Variants in TNRC6A observed in about 807,000 individuals in gnomAD.
The protein encoded by TNRC6A is trinucleotide repeat containing adaptor 6A.
In TNRC6A, 44 loss-of-function variants were observed where a neutral mutation model predicts 221.2. That is an observed-to-expected ratio of 0.20 (90% CI 0.16 to 0.26). TNRC6A has a LOEUF of 0.26. Among genes scored for constraint, TNRC6A ranks in the 10% least tolerant of loss-of-function variants. The pLI, the probability that TNRC6A is intolerant of heterozygous loss-of-function variation, is 1.00. For missense variants in TNRC6A, 2,199 were observed against 2,404.4 expected (o/e 0.91, Z 1.79); for synonymous variants, 847 against 838.5 (o/e 1.01, Z -0.18).
chr16:24,668,122 G>A (rs956434324), intron 2 of TNRC6A, among the ~76,000 whole-genome samples: 2 of 152,116 alleles, frequency 1.3e-5, no homozygotes, highest in Admixed American at 6.6e-5. Flanking sequence ...GAGGTCGGGA[G>A]TTCAAGACCA....
chr16:24,722,533 C>T (rs998205606), intron 2 of TNRC6A, among the ~76,000 whole-genome samples: 1 of 151,946 alleles, frequency 6.6e-6, no homozygotes, highest in African/African-American at 2.4e-5. Context: ...CTCCCGGGTT[C>T]AAGTGATTCT....
At chr16:24,746,639 G>A (rs2057016679) in intron 2 of TNRC6A, among the ~76,000 whole-genome samples, 1 of 152,054 alleles carries the variant, frequency 6.6e-6, no homozygotes, top group African/African-American at 2.4e-5. Context: ...TTGAATTGAT[G>A]GATCATAAGA....
At chr16:24,782,512 A>G (rs1043185362) in intron 5 of TNRC6A, among the ~76,000 whole-genome samples, 4 of 152,214 alleles carry the variant, frequency 2.6e-5, no homozygotes, top group Non-Finnish European at 5.9e-5. Flanking sequence ...CTGGACCTGT[A>G]TAGAACAAGT....
intron 4 of TNRC6A, among the ~76,000 whole-genome samples, chr16:24,772,832 A>T (rs2057640597): frequency 1.3e-5 from 2 of 152,192 alleles, no homozygotes; most frequent in African/African-American, 4.8e-5. Context: ...CATCAGGGAA[A>T]TTATCTGATC....
In TNRC6A at chr16:24,730,263, G is replaced by A. The variant is rs2056598381; in HGVS notation, c.16G>A (p.Ala6Thr). The change falls in exon 2 of 25, where the codon GCT becomes ACT. Residue 6 changes from alanine to threonine, a missense_variant. This residue lies in a region of TNRC6A where 1,405 missense variants were observed against 1,400.2 expected (regional missense o/e 1.00). Transcript: ENST00000395799. Reference protein sequence around the residue: MRELEAKATKDVERNL... With the variant: MRELETKATKDVERNL... ...GTTTTTTTGTTTCAGAGAATTGGAA[G>A]CTAAAGCTACCAAAGACGTAGAAAG... The A allele has an allele frequency of 6.9e-6, 11 of 1,603,352 alleles. No homozygotes were observed. The highest frequency in any genetic ancestry group is 1.1e-5 in the South Asian group (1 of 89,978).
At chr16:24,677,921 GTGCCAGGGATTCT>G (rs1243362071) in intron 2 of TNRC6A, among the ~76,000 whole-genome samples, 2 of 152,106 alleles carry the variant, frequency 1.3e-5, no homozygotes, top group Admixed American at 6.6e-5. Flanking sequence ...CTGCAAGATG[GTGCCAGGGATTCT>G]TGCCTTTTGA....
intron 2 of TNRC6A, among the ~76,000 whole-genome samples, chr16:24,647,106 A>G (rs1902334147): frequency 6.6e-6 from 1 of 151,116 alleles, no homozygotes; most frequent in South Asian, 2.1e-4. Context: ...ATTTTTTTCT[A>G]TTTTTCGTAG....
At position 24,823,073 on chromosome 16, in the gene TNRC6A, G is replaced by C; in HGVS notation, c.5513+60G>C. The C allele has an allele frequency of 9.3e-6, 15 of 1,609,250 alleles. No individual in the cohort carries two copies. The South Asian group carries it at 1.7e-4, about 18-fold the overall frequency. On this transcript the variant is annotated intron_variant, in intron 24 of 24. Transcript: ENST00000395799. This position sits in a 1 kb window ranked among gnomAD's most constrained non-coding sequence, Gnocchi z 4.3. Reference sequence around the variant, plus strand: ...CTAGGGGAAGGAGTGTGAGAGCACAGCCTGACCCGGGGCAGTGCACAGGGT... The same window carrying C: ...CTAGGGGAAGGAGTGTGAGAGCACACCCTGACCCGGGGCAGTGCACAGGGT...
At chr16:24,724,270 A>G (rs943343371) in intron 2 of TNRC6A, among the ~76,000 whole-genome samples, 3 of 152,284 alleles carry the variant, frequency 2.0e-5, no homozygotes, top group Admixed American at 6.5e-5. Context: ...CTGTTTTATC[A>G]TTTACTATTT....
intron 2 of TNRC6A, among the ~76,000 whole-genome samples, chr16:24,749,021 C>T (rs770107194): frequency 3.7e-4 from 56 of 152,114 alleles, no homozygotes; most frequent in Non-Finnish European, 7.1e-4. Context: ...ACTACAGGTG[C>T]CCGCCACCAC....
intron 2 of TNRC6A, among the ~76,000 whole-genome samples, chr16:24,641,381 GAGA>G (rs1261659552): frequency 6.6e-6 from 1 of 152,174 alleles, no homozygotes; most frequent in East Asian, 1.9e-4. Context: ...TGGGAGGATG[GAGA>G]AGAAGGGACA....
At chr16:24,796,521 A>AAATGC (rs1453133590) in intron 9 of TNRC6A, among the ~76,000 whole-genome samples, 1 of 152,174 alleles carries the variant, frequency 6.6e-6, no homozygotes, top group African/African-American at 2.4e-5. Context: ...AGTGGAAGGG[A>AAATGC]CTAATTTGAG....
At chr16:24,710,246 A>C (rs1354985999) in intron 2 of TNRC6A, among the ~76,000 whole-genome samples, 1 of 151,998 alleles carries the variant, frequency 6.6e-6, no homozygotes, top group Non-Finnish European at 1.5e-5. Context: ...AAAAAATTGT[A>C]AACACAAACT....
intron 8 of TNRC6A, among the ~76,000 whole-genome samples, chr16:24,795,249 A>G (rs1467568237): frequency 6.6e-6 from 1 of 152,188 alleles, no homozygotes; most frequent in African/African-American, 2.4e-5. Flanking sequence ...CTGGCTGTAC[A>G]TCGAAATCCC....
chr16:24,824,791 T>A lies in TNRC6A; in HGVS notation c.*984T>A, dbSNP rs1399884866. 6.6e-6 allele frequency: 1 copy of A among 151,222 alleles called. No homozygotes were observed. The highest frequency in any genetic ancestry group is 1.5e-5 in the Non-Finnish European group (1 of 67,830). 9.4% of individuals were successfully genotyped at this position (151,222 alleles called of 1,614,324 possible). A position where few individuals can be genotyped will look rare whatever the true frequency, so the allele number is the denominator to read the frequency against. On this transcript the variant is annotated 3_prime_UTR_variant, in exon 25 of 25. Transcript: ENST00000395799. ...GTTTAAAAAAAAAAAAAAAAATTCC[T>A]TGTAGTTTCTTAGAGGAAAAAAAGA...
chr16:24,677,050 G>T (rs986638542), intron 2 of TNRC6A, among the ~76,000 whole-genome samples: 3 of 152,000 alleles, frequency 2.0e-5, no homozygotes, highest in Admixed American at 6.6e-5. Context: ...CTGATGTCCA[G>T]TTACCACCTG....
At chr16:24,694,943 G>A (rs1386137372) in intron 2 of TNRC6A, among the ~76,000 whole-genome samples, 1 of 152,038 alleles carries the variant, frequency 6.6e-6, no homozygotes, top group Non-Finnish European at 1.5e-5. Context: ...AACAAATTTG[G>A]AATCACTGTG....
chr16:24,805,555 T>A (rs755381536), intron 14 of TNRC6A, 50 bp from the exon 15 acceptor site: 2 of 1,607,132 alleles, frequency 1.2e-6, no homozygotes, highest in Admixed American at 3.3e-5. Flanking sequence ...TACGTGTAGT[T>A]AGTGTGAGTT....
At chr16:24,799,431 T>C (rs1296836166) in intron 11 of TNRC6A, among the ~76,000 whole-genome samples, 1 of 152,188 alleles carries the variant, frequency 6.6e-6, no homozygotes, top group Non-Finnish European at 1.5e-5. Context: ...GCTTTCTTTC[T>C]TGCAAGTGAA....
Sources: allele counts gnomAD v4.1 joint callset (sites outside exome capture counted in the v4.1 genomes callset), GRCh38; gene constraint gnomAD v4.1.1; regional missense constraint gnomAD v4.1.1; non-coding constraint Gnocchi (gnomAD v3.1); transcripts MANE v1.5; gene names NCBI Gene and HGNC (gene_info 2026-07-23, HGNC 2026-07-21).